Variants in TMEM207 observed in about 807,000 individuals in gnomAD.
The protein encoded by TMEM207 is transmembrane protein 207.
In TMEM207, 15 loss-of-function variants were observed where a neutral mutation model predicts 17.4. The observed-to-expected ratio is 0.86, with a 90% CI of 0.58 to 1.33. TMEM207 has a LOEUF of 1.33. Ranked by LOEUF, TMEM207 falls within the 40% of genes most tolerant of loss-of-function variation. The pLI, the probability that TMEM207 is intolerant of heterozygous loss-of-function variation, is 0.00. For missense variants in TMEM207, 205 were observed against 173.8 expected (o/e 1.18, Z -1.01); for synonymous variants, 70 against 65.6 (o/e 1.07, Z -0.33).
intron 4 of TMEM207, among the ~76,000 whole-genome samples, chr3:190,436,784 G>A (rs2108533920): frequency 6.6e-6 from 1 of 152,228 alleles, no homozygotes; most frequent in East Asian, 1.9e-4. Context: ...GAAGTTACTA[G>A]GTAAGAAGTC....
Position 190,440,252 on chromosome 3 carries a change from G to A in TMEM207, c.296C>T (p.Ser99Phe). The change falls in exon 4 of 5, where the codon TCT becomes TTT. Residue 99 changes from serine (S) to phenylalanine (F), a missense_variant. Physicochemically the swap from Ser to Phe is radical, Grantham distance 155. Coordinates refer to ENST00000354905, the MANE Select transcript of TMEM207 (RefSeq NM_207316.3). ...MAVFAVGDLDSIYGTEAAVSP... is the reference protein window; with the variant it reads ...MAVFAVGDLDFIYGTEAAVSP... ...GCGTGCAGACAACTCACCATAAATA[G>A]AGTCCAAGTCTCCAACAGCAAAAAC... The A allele has an allele frequency of 3.1e-6, 5 of 1,613,512 alleles. No individual in the cohort carries two copies. The highest frequency in any genetic ancestry group is 4.2e-6 in the Non-Finnish European group (5 of 1,179,832).
At chr3:190,432,550 C>T (rs11720443) in intron 4 of TMEM207, among the ~76,000 whole-genome samples, 32,003 of 152,102 alleles carry the variant, frequency 0.21, 3,573 homozygotes, top group East Asian at 0.36. Context: ...GAATGAAATA[C>T]TTCCTTTTTT....
chr3:190,446,803 T>G (rs1198913336), intron 2 of TMEM207, among the ~76,000 whole-genome samples: 1 of 152,142 alleles, frequency 6.6e-6, no homozygotes, highest in Non-Finnish European at 1.5e-5. Context: ...TTTATTTTGT[T>G]AGTCTGGGTC....
chr3:190,448,683 C>A (rs959999855), intron 1 of TMEM207, among the ~76,000 whole-genome samples: 2 of 152,132 alleles, frequency 1.3e-5, no homozygotes, highest in Non-Finnish European at 2.9e-5. Context: ...TGGACTATAA[C>A]ACGCAAATAA....
Position 190,449,726 on chromosome 3 carries a change from G to C in TMEM207, c.75+9C>G. ...CTGAAAACCTTAACCCAGAAAGAGA[G>C]ATAGTTACCTGGAATAGCGGCAAAC... On this transcript the variant is annotated intron_variant, in intron 1 of 4. Transcript: ENST00000354905. 1.2e-6 allele frequency: 2 copies of C among 1,613,516 alleles called. No homozygotes were observed. Among genetic ancestry groups the C allele is most frequent in the Non-Finnish European group, 1.7e-6 (2 of 1,179,548 alleles).
intron 4 of TMEM207, among the ~76,000 whole-genome samples, chr3:190,439,698 G>A (rs1719886989): frequency 6.6e-6 from 1 of 152,122 alleles, no homozygotes; most frequent in South Asian, 2.1e-4. Flanking sequence ...GTTTTGGGAG[G>A]GGAAGTTGGG....
intron 2 of TMEM207, among the ~76,000 whole-genome samples, chr3:190,446,247 G>T (rs910165420): frequency 6.6e-6 from 1 of 152,190 alleles, no homozygotes; most frequent in African/African-American, 2.4e-5. Context: ...GATCAAAGAA[G>T]TGATTTGAAA....
intron 2 of TMEM207, among the ~76,000 whole-genome samples, chr3:190,445,589 G>A (rs967276511): frequency 1.3e-5 from 2 of 152,100 alleles, no homozygotes; most frequent in Non-Finnish European, 1.5e-5. Context: ...GCAGTGGTGC[G>A]ATCTCGGCTC....
Position 190,428,918 on chromosome 3 carries a change from G to T in TMEM207, c.*677C>A, listed in dbSNP as rs1194025170. The T allele has an allele frequency of 6.6e-6, 1 of 152,094 alleles. No individual in the cohort carries two copies. Among genetic ancestry groups the T allele is most frequent in the Non-Finnish European group, 1.5e-5 (1 of 68,052 alleles). The allele number at this position is 152,094 out of a possible 1,614,324, so 9.4% of individuals were successfully genotyped here. On this transcript the variant is annotated 3_prime_UTR_variant, in exon 5 of 5. Coordinates refer to ENST00000354905, the MANE Select transcript of TMEM207 (RefSeq NM_207316.3). ...GACTATGGAGGCCACATTCATTACT[G>T]TAAAAGGGGAACTTTTCTTTTCTCC...
chr3:190,442,490 T>TTA (rs1719956272), intron 2 of TMEM207, among the ~76,000 whole-genome samples: 1 of 152,230 alleles, frequency 6.6e-6, no homozygotes, highest in African/African-American at 2.4e-5. Flanking sequence ...TTAACATATG[T>TTA]GAAGTGTCAA....
At chr3:190,443,896 C>T (rs1235157857) in intron 2 of TMEM207, among the ~76,000 whole-genome samples, 1 of 151,278 alleles carries the variant, frequency 6.6e-6, no homozygotes, top group Non-Finnish European at 1.5e-5. Context: ...GTAAGAAAGA[C>T]ATTTGGAATA....
rs1330309749 is a variant in TMEM207 at position 190,440,348 on chromosome 3, C to T, written c.200G>A (p.Gly67Glu). 1 of 1,613,796 alleles carries T rather than the reference C, an allele frequency of 6.2e-7. No individual in the cohort carries two copies. The highest frequency in any genetic ancestry group is 2.2e-5 in the East Asian group (1 of 44,872). ...GCACTGGAGGCAGAGGACCACAGCT[C>T]CACAGAGAAGAGCTGCCACCAAAAC... The part of the protein sequence containing the change: ...LLVLVAALLC[G>E]AVVLCLQCWL... Residue 67 changes from glycine to glutamate, a missense_variant, in exon 4 of 5, where the codon GGA becomes GAA. By Grantham distance (98) the Gly-to-Glu change is moderately conservative. Coordinates refer to ENST00000354905, the MANE Select transcript of TMEM207 (RefSeq NM_207316.3).
At chr3:190,441,946 T>C (rs991730208) in intron 2 of TMEM207, among the ~76,000 whole-genome samples, 2 of 152,242 alleles carry the variant, frequency 1.3e-5, no homozygotes, top group African/African-American at 4.8e-5. Flanking sequence ...CTGTTTGCCC[T>C]CTTGTTATAC....
In TMEM207 at chr3:190,440,304, T is replaced by C. The variant is rs1191376524; in HGVS notation, c.244A>G (p.Ile82Val). Reference protein sequence around the residue: ...CLQCWLRRPRIDSHRRTMAVF... With the variant: ...CLQCWLRRPRVDSHRRTMAVF... Reference sequence around the variant, plus strand: ...GCCATGGTGCGCCTGTGAGAATCAATTCGGGGTCTCCTCAGCCAGCACTGG... The same window carrying C: ...GCCATGGTGCGCCTGTGAGAATCAACTCGGGGTCTCCTCAGCCAGCACTGG... The change falls in exon 4 of 5, where the codon ATT becomes GTT. Residue 82 changes from isoleucine to valine, a missense_variant. Transcript: ENST00000354905. The C allele has an allele frequency of 6.2e-7, 1 of 1,613,904 alleles. No homozygotes were observed. The highest frequency in any genetic ancestry group is 1.1e-5 in the South Asian group (1 of 91,072).
At position 190,429,464 on chromosome 3, in the gene TMEM207, G is replaced by C. The variant is rs1034922218; in HGVS notation, c.*131C>G. On this transcript the variant is annotated 3_prime_UTR_variant, in exon 5 of 5. Coordinates refer to ENST00000354905, the MANE Select transcript of TMEM207 (RefSeq NM_207316.3). ...TTTTTCCAACATCCATTCTTTTGTC[G>C]AATTGTCCTTCCTCAGACTATATGA... The C allele has an allele frequency of 2.3e-6, 3 of 1,308,936 alleles. No individual in the cohort carries two copies. Among genetic ancestry groups the C allele is most frequent in the Admixed American group, 2.9e-5 (1 of 34,934 alleles). The allele number at this position is 1,308,936 out of a possible 1,614,324, so 81.1% of individuals were successfully genotyped here.
chr3:190,447,716 G>T, intron 2 of TMEM207, 74 bp downstream of exon 2: 2 of 1,498,730 alleles, frequency 1.3e-6, no homozygotes, highest in Non-Finnish European at 9.1e-7. Flanking sequence ...TTTTTCTAAT[G>T]GCTTGAGCCT....
chr3:190,446,186 G>T (rs1289735919), intron 2 of TMEM207, among the ~76,000 whole-genome samples: 4 of 152,182 alleles, frequency 2.6e-5, no homozygotes, highest in Non-Finnish European at 5.9e-5. Flanking sequence ...GTAAATGGAT[G>T]AATATGGTCT....
intron 4 of TMEM207, among the ~76,000 whole-genome samples, chr3:190,439,420 A>C (rs1719881735): frequency 6.6e-6 from 1 of 152,112 alleles, no homozygotes; most frequent in African/African-American, 2.4e-5. Context: ...CCAGTTTCTG[A>C]AAGACGGCTT....
intron 4 of TMEM207, among the ~76,000 whole-genome samples, chr3:190,438,101 TG>T (rs1398164104): frequency 1.7e-5 from 1 of 59,018 alleles, no homozygotes; most frequent in Non-Finnish European, 3.0e-5. Flanking sequence ...TGTTGTGGGG[TG>T]GGGGGAGGGG....
Sources: gnomAD v4.1 joint callset for allele counts (sites outside exome capture counted in the v4.1 genomes callset) on GRCh38, gnomAD v4.1.1 for gene constraint, MANE v1.5 for transcripts, NCBI Gene and HGNC (gene_info 2026-07-23, HGNC 2026-07-21) for gene names.